The following HMCES variants were observed in gnomAD, a reference collection of about 807,000 sequenced individuals.
The protein encoded by HMCES is abasic site processing protein HMCES.
In HMCES, 27 loss-of-function variants were observed where a neutral mutation model predicts 35.1. That is an observed-to-expected ratio of 0.77 (90% CI 0.57 to 1.06). The LOEUF is 1.06. Among genes scored for constraint, HMCES ranks in the 50% least tolerant of loss-of-function variants. The pLI, the probability that HMCES is intolerant of heterozygous loss-of-function variation, is 0.00. For missense variants in HMCES, 391 were observed against 430.4 expected (o/e 0.91, Z 0.81); for synonymous variants, 130 against 154.7 (o/e 0.84, Z 1.18).
rs2071175020 is a variant in HMCES, at chr3:129,302,025, T to G, written c.711T>G (p.Ala237=). 1 of 1,614,080 alleles carries G rather than the reference T, an allele frequency of 6.2e-7. No homozygotes were observed. Among genetic ancestry groups the G allele is most frequent in the Non-Finnish European group, 8.5e-7 (1 of 1,180,044 alleles). Residue 237 remains alanine (A), a synonymous_variant, in exon 6 of 7, where the codon GCT becomes GCG. Transcript: ENST00000383463. ...LDFGEVSTQE[A]LKLIHPTENI... ...TTGGTGAAGTCTCAACTCAGGAAGC[T>G]CTGAAATTAATCCACCCAACAGAGA...
At chr3:129,302,163 C>T (rs755406499) in intron 6 of HMCES, 21 bp downstream of exon 6, 4 of 1,571,986 alleles carry the variant, frequency 2.5e-6, no homozygotes, top group Admixed American at 2.0e-5. Flanking sequence ...GTGACTGGTA[C>T]AGTCCTTTTT....
At chr3:129,303,417 C>T (rs1487000679) in intron 6 of HMCES, among the ~76,000 whole-genome samples, 1 of 152,160 alleles carries the variant, frequency 6.6e-6, no homozygotes, top group Non-Finnish European at 1.5e-5. Flanking sequence ...CTGATAAACT[C>T]CTGCAACCGT....
In HMCES at chr3:129,287,192, TTGTTTTTTTTTGTG is replaced by T. The variant is rs557725589; in HGVS notation, c.184-1661_184-1648del. On this transcript the variant is annotated intron_variant, in intron 2 of 6. Coordinates refer to ENST00000383463, the MANE Select transcript of HMCES (RefSeq NM_020187.3). ...GTAGTAATGTATATGTACAGTGTTT[TTGTTTTTTTTTGTG>T]GGGTTTTTTTGTTTTGTTTTGTTTT... Among the ~76,000 whole-genome samples the T allele has an allele frequency of 2.8e-3, 423 of 150,750 alleles. 2 individuals carry two copies. Among genetic ancestry groups the T allele is most frequent in the African/African-American group, 9.5e-3 (385 of 40,412 alleles).
intron 4 of HMCES, among the ~76,000 whole-genome samples, chr3:129,291,866 G>A (rs1271460433): frequency 6.6e-6 from 1 of 152,156 alleles, no homozygotes; most frequent in East Asian, 1.9e-4. Context: ...CAGAGCAGGT[G>A]GATTACTTGA....
chr3:129,283,499 G>T (rs1940552593), intron 2 of HMCES, among the ~76,000 whole-genome samples: 1 of 151,606 alleles, frequency 6.6e-6, no homozygotes. Context: ...CATTTTGAGG[G>T]GGAAGTTCTC....
chr3:129,285,739 G>A (rs971776668), intron 2 of HMCES, among the ~76,000 whole-genome samples: 1 of 151,034 alleles, frequency 6.6e-6, no homozygotes, highest in African/African-American at 2.4e-5. Context: ...GAGCCACCGC[G>A]CCCGGCCCAG....
chr3:129,288,427 G>T (rs1308133724), intron 2 of HMCES, among the ~76,000 whole-genome samples: 1 of 152,106 alleles, frequency 6.6e-6, no homozygotes, highest in Non-Finnish European at 1.5e-5. Context: ...GGTTGTGGTG[G>T]CTCACACCCA....
chr3:129,305,393 T>TGGGG lies in HMCES; in HGVS notation c.*569_*572dup. 6.6e-6 allele frequency: 1 copy of TGGGG among 152,204 alleles called. No homozygotes were observed. Among genetic ancestry groups the TGGGG allele is most frequent in the Middle Eastern group, 3.4e-3 (1 of 294 alleles). The allele number at this position is 152,204 out of a possible 1,614,324, so 9.4% of individuals were successfully genotyped here. A position where few individuals can be genotyped will look rare whatever the true frequency, so the allele number is the denominator to read the frequency against. Reference sequence around the variant, plus strand: ...CTTCAGGAATGGATTTTGTCACAAATGGGGCATGGGGGCTTTCTGAGGAAA... The same window carrying TGGGG: ...CTTCAGGAATGGATTTTGTCACAAATGGGGGGGGCATGGGGGCTTTCTGAGGAAA... On this transcript the variant is annotated 3_prime_UTR_variant, in exon 7 of 7. Coordinates refer to ENST00000383463, the MANE Select transcript of HMCES (RefSeq NM_020187.3).
At chr3:129,304,025 A>G (rs2071204797) in intron 6 of HMCES, among the ~76,000 whole-genome samples, 1 of 152,108 alleles carries the variant, frequency 6.6e-6, no homozygotes, top group South Asian at 2.1e-4. Flanking sequence ...GATTACAGGC[A>G]TGCACCACTG....
intron 5 of HMCES, 103 bp downstream of exon 5, chr3:129,298,638 C>T (rs538467940): frequency 4.7e-5 from 44 of 945,744 alleles, no homozygotes; most frequent in Middle Eastern, 2.2e-4. Context: ...CATTTTACAA[C>T]GTAAAGTTAC....
chr3:129,281,397 A>G (rs1164869199), intron 2 of HMCES, among the ~76,000 whole-genome samples: 1 of 152,188 alleles, frequency 6.6e-6, no homozygotes, highest in Non-Finnish European at 1.5e-5. Context: ...TCATTTTGAA[A>G]TAAAGATAAC....
rs780558838 is a variant in HMCES at position 129,279,750 on chromosome 3, C to T, written c.18C>T (p.Ser6=). The T allele has an allele frequency of 1.7e-5, 28 of 1,612,888 alleles. No homozygotes were observed. The highest frequency in any genetic ancestry group is 2.4e-5 in the Non-Finnish European group (28 of 1,179,624). Residue 6 remains serine, a synonymous_variant, in exon 2 of 7, where the codon TCC becomes TCT. Coordinates refer to ENST00000383463, the MANE Select transcript of HMCES (RefSeq NM_020187.3). The surrounding 1 kb of genome is among the most constrained non-coding windows in gnomAD (Gnocchi z 4.2). ...GTTGAAGAATGTGTGGGCGAACATC[C>T]TGTCACTTACCTAGAGATGTTCTCA... The part of the protein sequence containing the change: MCGRT[S]CHLPRDVLTR...
chr3:129,284,462 AT>A (rs1192518696), intron 2 of HMCES, among the ~76,000 whole-genome samples: 2 of 152,218 alleles, frequency 1.3e-5, no homozygotes, highest in Non-Finnish European at 2.9e-5. Flanking sequence ...AAGGTCATAT[AT>A]TGATCAGTTG....
At chr3:129,302,354 T>G (rs2071179875) in intron 6 of HMCES, among the ~76,000 whole-genome samples, 3 of 152,304 alleles carry the variant, frequency 2.0e-5, no homozygotes, top group African/African-American at 7.2e-5. Context: ...TTTCAAAATG[T>G]AAATGCTAGA....
At position 129,279,603 on chromosome 3, in the gene HMCES, C is replaced by T. The variant is rs1286541063; in HGVS notation, c.-23-107C>T. The T allele has an allele frequency of 2.7e-6, 3 of 1,119,588 alleles. No homozygotes were observed. The highest frequency in any genetic ancestry group is 1.4e-5 in the South Asian group (1 of 69,260). The allele number at this position is 1,119,588 out of a possible 1,614,324, so 69.4% of individuals were successfully genotyped here. On this transcript the variant is annotated intron_variant, in intron 1 of 6. Transcript: ENST00000383463. This position sits in a 1 kb window ranked among gnomAD's most constrained non-coding sequence, Gnocchi z 4.2. ...TGGGGAAGACTTTAGACGGTGGTCA[C>T]GGAGGGGCACGGCCCTGTGGGAACG...
rs1440891243 is a variant in HMCES, at chr3:129,304,481, C to A, written c.829-108C>A. ...CCAGCTGGCCCTTAGTAACATTTTC[C>A]AAGCCTGGGTAAGTACCTAATGCCT... On this transcript the variant is annotated intron_variant, in intron 6 of 6. Transcript: ENST00000383463. 8 of 931,160 alleles carry A rather than the reference C, an allele frequency of 8.6e-6. No individual in the cohort carries two copies. The Admixed American group carries it at 1.5e-4, about 17-fold the overall frequency. The allele number at this position is 931,160 out of a possible 1,614,324, so 57.7% of individuals were successfully genotyped here.
chr3:129,290,357 T>C (rs1323115239), intron 3 of HMCES, among the ~76,000 whole-genome samples: 1 of 152,022 alleles, frequency 6.6e-6, no homozygotes, highest in Admixed American at 6.6e-5. Flanking sequence ...TGATCTTGGC[T>C]CACTGCCACC....
intron 2 of HMCES, among the ~76,000 whole-genome samples, chr3:129,285,674 C>T (rs746135734): frequency 2.6e-5 from 4 of 151,284 alleles, no homozygotes; most frequent in Admixed American, 6.6e-5. Context: ...AGGATGGTCT[C>T]GATCTCCTGA....
At chr3:129,281,100 T>C (rs1576976703) in intron 2 of HMCES, among the ~76,000 whole-genome samples, 1 of 152,170 alleles carries the variant, frequency 6.6e-6, no homozygotes, top group East Asian at 1.9e-4. Flanking sequence ...CACGCACCTG[T>C]AGTCCCAGTT....
Sources: gnomAD v4.1 joint callset for allele counts (sites outside exome capture counted in the v4.1 genomes callset) on GRCh38, gnomAD v4.1.1 for gene constraint, Gnocchi (gnomAD v3.1) non-coding constraint, MANE v1.5 for transcripts, NCBI Gene and HGNC (gene_info 2026-07-23, HGNC 2026-07-21) for gene names.